The following TACC2 variants were observed in gnomAD, a reference collection of about 807,000 sequenced individuals.
TACC2 encodes transforming acidic coiled-coil containing protein 2.
Under a neutral mutation model 227.3 loss-of-function variants are expected in TACC2, and 137 were observed. The ratio of observed to expected loss-of-function variants is 0.60; its 90% CI spans 0.52 to 0.69. TACC2 has a LOEUF of 0.69. TACC2 is among the 30% of genes least tolerant of loss of function. The probability of loss-of-function intolerance (pLI) is 0.00; values close to 1 mark genes in which losing one functional copy is unlikely to be tolerated. For missense variants in TACC2, 3,470 were observed against 3,694.4 expected, an observed-to-expected ratio of 0.94 and a Z score of 1.57; for synonymous variants, 1,523 against 1,487.5, an observed-to-expected ratio of 1.02 and a Z score of -0.55.
chr10:122,081,924 T>C (rs1004570961), intron 3 of TACC2, among the ~76,000 whole-genome samples: 1 of 152,202 alleles, frequency 6.6e-6, no homozygotes, highest in Non-Finnish European at 1.5e-5. Flanking sequence ...AACTTGTGCT[T>C]TTTCCTGAAC....
At chr10:122,073,077 G>C (rs889827728) in intron 3 of TACC2, among the ~76,000 whole-genome samples, 10 of 126,618 alleles carry the variant, frequency 7.9e-5, no homozygotes, top group South Asian at 2.6e-4. Context: ...CACGCCATTG[G>C]ACTCCAGCCT....
chr10:122,229,508 T>C, intron 15 of TACC2, 22 bp downstream of exon 15: 1 of 1,613,396 alleles, frequency 6.2e-7, no homozygotes, highest in Non-Finnish European at 8.5e-7. Context: ...ACGTGTGACC[T>C]TTTGGGAGTT....
chr10:122,125,392 G>A (rs1274375351), intron 5 of TACC2, among the ~76,000 whole-genome samples: 1 of 151,814 alleles, frequency 6.6e-6, no homozygotes, highest in Non-Finnish European at 1.5e-5. Context: ...GTAGAGATTG[G>A]GTTTTGCTAT....
intron 8 of TACC2, 60 bp downstream of exon 8, chr10:122,195,236 T>A: frequency 6.9e-7 from 1 of 1,457,986 alleles, no homozygotes; most frequent in Non-Finnish European, 9.3e-7. Flanking sequence ...CTGGGGGAGA[T>A]TTGCAGCAGT....
intron 18 of TACC2, 161 bp from the exon 19 acceptor site, chr10:122,241,797 C>T: frequency 1.5e-6 from 1 of 686,996 alleles, no homozygotes; most frequent in Non-Finnish European, 2.7e-6. Flanking sequence ...TATTTAGAGT[C>T]ACGCACCAGG....
At chr10:122,225,744 A>T (rs771506367) in intron 12 of TACC2, among the ~76,000 whole-genome samples, 1 of 152,224 alleles carries the variant, frequency 6.6e-6, no homozygotes, top group Non-Finnish European at 1.5e-5. Flanking sequence ...GGCCTCGCGG[A>T]TGAATTCGTG....
rs536304696 is a variant in TACC2 at position 122,078,390 on chromosome 10, TG to T, written c.147-4256del. 7.0e-4 allele frequency among the ~76,000 whole-genome samples: 106 copies of T among 152,198 alleles called. 1 individual carries two copies. In the South Asian group the frequency reaches 0.011, roughly 15 times the overall value. On this transcript the variant is annotated intron_variant, in intron 3 of 22. Coordinates refer to ENST00000369005, the MANE Select transcript of TACC2 (RefSeq NM_206862.4). ...CCTCCCTTTAAGCATTGCATGTGTG[TG>T]TGTTTCCAGAACTATGCATTTAAGA... is the stretch of plus-strand genomic sequence containing the variant.
In TACC2 at chr10:122,168,050, CTTTTTTT is replaced by C. The variant is rs57366476; in HGVS notation, c.5834+24360_5834+24366del. ...TATAGGTACACATCACCATGCCCAG[CTTTTTTT>C]TTTTTTTTTTTTTTTAAATAATTTT... On this transcript the variant is annotated intron_variant, in intron 7 of 22. Transcript: ENST00000369005. Among the ~76,000 whole-genome samples the C allele has an allele frequency of 4.6e-5, 6 of 131,740 alleles. No homozygotes were observed. The Admixed American group carries it at 4.6e-4, about 10-fold the overall frequency. The allele number at this position is 131,740 out of a possible 152,430, so 86.4% of individuals were successfully genotyped here.
intron 5 of TACC2, among the ~76,000 whole-genome samples, chr10:122,129,379 G>A (rs1444061904): frequency 2.6e-5 from 4 of 152,006 alleles, no homozygotes; most frequent in African/African-American, 7.3e-5. Context: ...TTGAACAGCC[G>A]CAAACGAGTC....
chr10:122,115,269 T>A (rs1413580048), intron 5 of TACC2, among the ~76,000 whole-genome samples: 1 of 19,998 alleles, frequency 5.0e-5, no homozygotes, highest in Non-Finnish European at 1.9e-4. Flanking sequence ...GGTAGGTAGG[T>A]GAGTGTGTGT....
chr10:122,149,458 T>C (rs1047477845), intron 7 of TACC2, among the ~76,000 whole-genome samples: 13 of 152,150 alleles, frequency 8.5e-5, no homozygotes, highest in Admixed American at 2.6e-4. Context: ...GGCTGTGGCG[T>C]TGGCTCTTCA....
chr10:122,011,375 G>C (rs922011765), intron 1 of TACC2, among the ~76,000 whole-genome samples: 22 of 152,156 alleles, frequency 1.4e-4, no homozygotes, highest in African/African-American at 5.3e-4. Context: ...CTGTTGCCAG[G>C]CTGGGGTGCA....
intron 5 of TACC2, among the ~76,000 whole-genome samples, chr10:122,119,291 G>A (rs2085286189): frequency 6.6e-6 from 1 of 152,304 alleles, no homozygotes; most frequent in South Asian, 2.1e-4. Flanking sequence ...AACTTGCCTA[G>A]GGCTTATAAA....
chr10:122,217,628 C>T (rs758768911), intron 11 of TACC2, among the ~76,000 whole-genome samples: 7 of 151,788 alleles, frequency 4.6e-5, no homozygotes, highest in Non-Finnish European at 7.4e-5. Context: ...TTAGTAGAAA[C>T]GGGGTTTCAC....
intron 7 of TACC2, among the ~76,000 whole-genome samples, chr10:122,176,141 A>ATC (rs1265197458): frequency 0.019 from 2,742 of 143,880 alleles, 67 homozygotes; most frequent in East Asian, 0.11. Context: ...ATATATATAT[A>ATC]TATATGAAGA....
In TACC2 at chr10:122,253,992, A is replaced by G; in HGVS notation, c.8783A>G (p.Asn2928Ser). Residue 2928 changes from asparagine to serine, a missense_variant and splice_region_variant, in exon 23 of 23, where the codon AAT becomes AGT. Physicochemically the swap from Asn to Ser is conservative, Grantham distance 46. Coordinates refer to ENST00000369005, the MANE Select transcript of TACC2 (RefSeq NM_206862.4). ...DALERTLEQK[N>S]KEIEELTKIC... ...CTTCTTCCTTGTCTTCACTTGCAGA[A>G]TAAAGAAATAGAAGAACTCACCAAG... 6 of 1,613,954 alleles carry G rather than the reference A, an allele frequency of 3.7e-6. No individual in the cohort carries two copies. Among genetic ancestry groups the G allele is most frequent in the Non-Finnish European group, 5.1e-6 (6 of 1,179,806 alleles).
At chr10:122,212,551 C>T (rs1011368883) in intron 9 of TACC2, among the ~76,000 whole-genome samples, 11 of 152,144 alleles carry the variant, frequency 7.2e-5, no homozygotes, top group African/African-American at 2.4e-4. Context: ...CTTACTCTTA[C>T]GGGAAGTATT....
rs368826592 is a variant in TACC2 at position 122,086,221 on chromosome 10, G to A, written c.3721G>A (p.Asp1241Asn). Reference protein sequence around the residue: ...AAPDTPYLHVDSAAQRGAEDS... With the variant: ...AAPDTPYLHVNSAAQRGAEDS... The stretch of plus-strand genomic sequence containing the variant: ...TCCTGACACCCCTTACCTGCATGTC[G>A]ACAGTGCTGCCCAGAGAGGAGCAGA... Residue 1241 changes from aspartate (D) to asparagine (N), a missense_variant, in exon 4 of 23, where the codon GAC becomes AAC. Around this residue, in one of 10 missense-constraint regions of TACC2, gnomAD observed 1,924 missense variants for 1,978.3 expected, o/e 0.97. Transcript: ENST00000369005. 2.0e-5 allele frequency: 32 copies of A among 1,613,740 alleles called. No individual in the cohort carries two copies. In the African/African-American group the frequency reaches 2.3e-4, roughly 11 times the overall value.
At chr10:122,008,667 G>A (rs558310715) in intron 1 of TACC2, among the ~76,000 whole-genome samples, 245 of 152,068 alleles carry the variant, frequency 1.6e-3, no homozygotes, top group African/African-American at 5.6e-3. Flanking sequence ...CTGCCTCCCG[G>A]GTTCATGCGA....
Sources: gnomAD v4.1 joint callset for allele counts (sites outside exome capture counted in the v4.1 genomes callset) on GRCh38, gnomAD v4.1.1 for gene constraint, gnomAD v4.1.1 regional missense constraint, MANE v1.5 for transcripts, NCBI Gene and HGNC (gene_info 2026-07-23, HGNC 2026-07-21) for gene names.